Variants in UBE2W observed in about 807,000 individuals in gnomAD.
The protein encoded by UBE2W is ubiquitin-conjugating enzyme E2 W.
A neutral mutation model predicts 27.2 loss-of-function variants in UBE2W; 18 were observed. The ratio of observed to expected loss-of-function variants is 0.66; its 90% confidence interval spans 0.46 to 0.98. UBE2W has a LOEUF of 0.98. Ranked by LOEUF, UBE2W falls within the 50% of genes least tolerant of loss-of-function variation. The pLI is 0.00. For missense variants in UBE2W, 90 were observed against 180.2 expected, an observed-to-expected ratio of 0.50 and a Z score of 2.87; for synonymous variants, 53 against 57.2, an observed-to-expected ratio of 0.93 and a Z score of 0.33.
intron 5 of UBE2W, among the ~76,000 whole-genome samples, chr8:73,802,010 A>C (rs1233902798): frequency 6.6e-6 from 1 of 152,224 alleles, no homozygotes; most frequent in Admixed American, 6.5e-5. Context: ...GCACATGTAG[A>C]GGTAACAGAT....
chr8:73,868,005 C>T (rs529734431), intron 1 of UBE2W, among the ~76,000 whole-genome samples: 3 of 152,160 alleles, frequency 2.0e-5, no homozygotes, highest in Non-Finnish European at 4.4e-5. Context: ...TTGCGATTTA[C>T]AACAAGAAAT....
intron 1 of UBE2W, among the ~76,000 whole-genome samples, chr8:73,839,345 G>GT (rs1212523023): frequency 2.0e-4 from 11 of 54,752 alleles, no homozygotes; most frequent in Admixed American, 9.8e-4. Flanking sequence ...AATGCTCCTA[G>GT]TTAAAAAAAA....
downstream of UBE2W, among the ~76,000 whole-genome samples, chr8:73,781,950 T>C (rs1807854188): frequency 2.0e-5 from 1 of 48,848 alleles, no homozygotes; most frequent in Non-Finnish European, 4.6e-5. Flanking sequence ...TTTTTTTTTT[T>C]TTTTTTTTTG....
At chr8:73,877,468 G>A (rs1419178472) in intron 1 of UBE2W, among the ~76,000 whole-genome samples, 6 of 152,176 alleles carry the variant, frequency 3.9e-5, no homozygotes, top group African/African-American at 1.2e-4. Flanking sequence ...AGGAAAACAG[G>A]TTGAAAGGGG....
At chr8:73,847,399 T>C (rs527389264) in intron 1 of UBE2W, among the ~76,000 whole-genome samples, 15 of 152,300 alleles carry the variant, frequency 9.8e-5, no homozygotes, top group Non-Finnish European at 1.5e-4. Context: ...CTGGTAGAAG[T>C]ATAAACTGGT....
chr8:73,790,262 G>A lies in UBE2W; in HGVS notation c.*3840C>T, dbSNP rs1425596169. The A allele has an allele frequency of 4.1e-6, 4 of 984,966 alleles. No individual in the cohort carries two copies. Among genetic ancestry groups the A allele is most frequent in the African/African-American group, 3.5e-5 (2 of 57,196 alleles). The allele number at this position is 984,966 out of a possible 1,614,324, so 61.0% of individuals were successfully genotyped here. On this transcript the variant is annotated 3_prime_UTR_variant, in exon 6 of 6. Transcript: ENST00000602593. ...GACACATTGGACATCAGTGGGAAGA[G>A]GCAGAAAAATAGGAAGAAAAATAAA... is the stretch of plus-strand genomic sequence containing the variant.
intron 2 of UBE2W, among the ~76,000 whole-genome samples, chr8:73,826,677 T>C (rs1809848065): frequency 6.6e-6 from 1 of 152,130 alleles, no homozygotes; most frequent in African/African-American, 2.4e-5. Flanking sequence ...TATTTTATAG[T>C]GAAATTAGAC....
chr8:73,877,673 G>A (rs1321744667), intron 1 of UBE2W, among the ~76,000 whole-genome samples: 1 of 152,134 alleles, frequency 6.6e-6, no homozygotes, highest in Non-Finnish European at 1.5e-5. Context: ...TACCCAAGGG[G>A]ATATTATGAA....
In UBE2W at chr8:73,793,683, C is replaced by G; in HGVS notation, c.*419G>C. The G allele has an allele frequency of 2.0e-6, 2 of 990,862 alleles. No homozygotes were observed. The highest frequency in any genetic ancestry group is 1.7e-5 in the African/African-American group (1 of 57,476). The allele number at this position is 990,862 out of a possible 1,614,324, so 61.4% of individuals were successfully genotyped here. A position where few individuals can be genotyped will look rare whatever the true frequency, so the allele number is the denominator to read the frequency against. On this transcript the variant is annotated 3_prime_UTR_variant, in exon 6 of 6. Transcript: ENST00000602593. ...AACCAGTAAGTTCATTTCATAGGCC[C>G]TATCATGCATTAATCATTGAATGGC...
chr8:73,786,616 G>C lies in UBE2W; in HGVS notation c.*7486C>G. The C allele has an allele frequency of 1.0e-6, 1 of 985,452 alleles. No individual in the cohort carries two copies. Among genetic ancestry groups the C allele is most frequent in the Non-Finnish European group, 1.2e-6 (1 of 829,942 alleles). The allele number at this position is 985,452 out of a possible 1,614,324, so 61.0% of individuals were successfully genotyped here. ...AGAAACGCAGATCATGAACATTCTA[G>C]GAGGGAAGAACATTAGCAGACGGCA... On this transcript the variant is annotated 3_prime_UTR_variant, in exon 6 of 6. Transcript: ENST00000602593.
At chr8:73,844,156 T>TCCCCTC (rs1554583850) in intron 1 of UBE2W, among the ~76,000 whole-genome samples, 1 of 23,604 alleles carries the variant, frequency 4.2e-5, no homozygotes, top group Non-Finnish European at 7.4e-5. Flanking sequence ...AAGAGCTAAT[T>TCCCCTC]CCCCTCCCCC....
In UBE2W at chr8:73,792,636, G is replaced by A. The variant is rs1261913426; in HGVS notation, c.*1466C>T. ...CACTGCAGGATATTTCAAAAAGAGT[G>A]CAACAATAAGGCATTAGTAAAAATA... On this transcript the variant is annotated 3_prime_UTR_variant, in exon 6 of 6. Transcript: ENST00000602593. The A allele has an allele frequency of 3.0e-6, 3 of 985,550 alleles. No individual in the cohort carries two copies. The highest frequency in any genetic ancestry group is 4.7e-5 in the South Asian group (1 of 21,284). The allele number at this position is 985,550 out of a possible 1,614,324, so 61.1% of individuals were successfully genotyped here.
At chr8:73,864,640 T>C (rs530764457) in intron 1 of UBE2W, among the ~76,000 whole-genome samples, 1 of 151,478 alleles carries the variant, frequency 6.6e-6, no homozygotes, top group African/African-American at 2.4e-5. Flanking sequence ...GGCATGATCT[T>C]GGCTCACTGC....
chr8:73,785,135 T>C (rs1807912429), downstream of UBE2W, among the ~76,000 whole-genome samples: 1 of 152,170 alleles, frequency 6.6e-6, no homozygotes, highest in African/African-American at 2.4e-5. Flanking sequence ...GTTTACATTT[T>C]TCAGGTCATG....
At position 73,819,071 on chromosome 8, in the gene UBE2W, T is replaced by C. The variant is rs117383983; in HGVS notation, c.210+6076A>G. The stretch of plus-strand genomic sequence containing the variant: ...CCTACATATTCCAGATTTAGAGCCT[T>C]TGCATTTTGTCTTCATCTGTTCTTT... On this transcript the variant is annotated intron_variant, in intron 3 of 5. Coordinates refer to ENST00000602593, the MANE Select transcript of UBE2W (RefSeq NM_018299.6). 6.1e-3 allele frequency among the ~76,000 whole-genome samples: 926 copies of C among 152,332 alleles called. 6 individuals are homozygous for C. The highest frequency in any genetic ancestry group is 9.7e-3 in the Non-Finnish European group (660 of 68,042).
At chr8:73,861,967 A>G (rs889662687) in intron 1 of UBE2W, among the ~76,000 whole-genome samples, 2 of 152,210 alleles carry the variant, frequency 1.3e-5, no homozygotes, top group African/African-American at 4.8e-5. Context: ...GATCTTTCCA[A>G]TCTCGAATTT....
At chr8:73,852,179 T>C (rs1038913316) in intron 1 of UBE2W, among the ~76,000 whole-genome samples, 1 of 152,050 alleles carries the variant, frequency 6.6e-6, no homozygotes, top group Admixed American at 6.6e-5. Flanking sequence ...AACATTGAGA[T>C]TGACAGAACA....
At chr8:73,847,552 A>G (rs1045116241) in intron 1 of UBE2W, among the ~76,000 whole-genome samples, 2 of 152,216 alleles carry the variant, frequency 1.3e-5, no homozygotes, top group African/African-American at 4.8e-5. Flanking sequence ...TAGCAGCATT[A>G]TATGTGACCA....
At chr8:73,859,711 G>A (rs1811465305) in intron 1 of UBE2W, among the ~76,000 whole-genome samples, 1 of 152,144 alleles carries the variant, frequency 6.6e-6, no homozygotes, top group Non-Finnish European at 1.5e-5. Flanking sequence ...GACTGCACAG[G>A]TGGTTGGCTT....
Sources: allele counts gnomAD v4.1 joint callset (sites outside exome capture counted in the v4.1 genomes callset), GRCh38; gene constraint gnomAD v4.1.1; transcripts MANE v1.5; gene names NCBI Gene and HGNC (gene_info 2026-07-23, HGNC 2026-07-21).